The following CTNND2 variants were observed in gnomAD, a reference collection of about 807,000 sequenced individuals.
The protein encoded by CTNND2 is catenin delta-2.
A neutral mutation model predicts 144.4 loss-of-function variants in CTNND2; 22 were observed. The ratio of observed to expected loss-of-function variants is 0.15; its 90% CI spans 0.11 to 0.22. The LOEUF (loss-of-function observed/expected upper bound fraction) is 0.22. CTNND2 is among the 10% of genes least tolerant of loss of function. CTNND2 has a pLI of 1.00. For synonymous variants in CTNND2, 751 were observed against 695.6 expected (o/e 1.08, Z -1.25); for missense variants, 1,353 against 1,618.8 (o/e 0.84, Z 2.82).
At chr5:11,091,687 C>T (rs946793554) in intron 15 of CTNND2, among the ~76,000 whole-genome samples, 1 of 152,144 alleles carries the variant, frequency 6.6e-6, no homozygotes, top group Admixed American at 6.5e-5. Flanking sequence ...TAGTCCAGGG[C>T]TAATTATTCC....
At chr5:11,561,654 G>A (rs1776692399) in intron 3 of CTNND2, among the ~76,000 whole-genome samples, 1 of 152,208 alleles carries the variant, frequency 6.6e-6, no homozygotes, top group South Asian at 2.1e-4. Context: ...GCATCCTCCT[G>A]TACTATTGGA....
At chr5:11,158,432 A>G (rs1043769716) in intron 12 of CTNND2, among the ~76,000 whole-genome samples, 2 of 152,222 alleles carry the variant, frequency 1.3e-5, no homozygotes, top group Non-Finnish European at 1.5e-5. Flanking sequence ...GCACCTATCC[A>G]GAGAAATCAC....
intron 9 of CTNND2, among the ~76,000 whole-genome samples, chr5:11,323,216 A>C (rs1044704853): frequency 1.6e-5 from 2 of 123,226 alleles, no homozygotes; most frequent in African/African-American, 3.0e-5. Context: ...TTAAAAAACA[A>C]AAACATTTAG....
At chr5:11,312,832 T>C (rs1389685905) in intron 9 of CTNND2, among the ~76,000 whole-genome samples, 6 of 151,904 alleles carry the variant, frequency 3.9e-5, no homozygotes, top group Admixed American at 6.6e-5. Flanking sequence ...TTTTCACATA[T>C]CTGTATATTT....
chr5:11,112,808 A>G (rs4701906), intron 13 of CTNND2, among the ~76,000 whole-genome samples: 115,711 of 152,146 alleles, frequency 0.76, 44,656 homozygotes, highest in African/African-American at 0.91. Flanking sequence ...ATCTTTCTGT[A>G]CTTCTATTTC....
chr5:11,169,730 T>G (rs1465410934), intron 11 of CTNND2, among the ~76,000 whole-genome samples: 1 of 152,178 alleles, frequency 6.6e-6, no homozygotes, highest in Non-Finnish European at 1.5e-5. Context: ...GATGTCAACA[T>G]AAGCGCGCTA....
At chr5:11,322,058 C>T (rs769483515) in intron 9 of CTNND2, among the ~76,000 whole-genome samples, 7 of 152,198 alleles carry the variant, frequency 4.6e-5, no homozygotes, top group Admixed American at 2.6e-4. Context: ...TCCCTCCACA[C>T]GACTGCAACT....
chr5:11,232,696 T>C (rs1479669761), intron 10 of CTNND2, among the ~76,000 whole-genome samples: 2 of 152,222 alleles, frequency 1.3e-5, no homozygotes, highest in African/African-American at 4.8e-5. Context: ...ACTTGGACTT[T>C]TGGGTTAATG....
At chr5:11,847,609 G>A (rs145737901) in intron 1 of CTNND2, among the ~76,000 whole-genome samples, 2,241 of 152,058 alleles carry the variant, frequency 0.015, 56 homozygotes, top group African/African-American at 0.051. Flanking sequence ...TATATATTTC[G>A]AAATAGCTAG....
intron 3 of CTNND2, among the ~76,000 whole-genome samples, chr5:11,557,464 C>T (rs1455622257): frequency 6.6e-6 from 1 of 152,166 alleles, no homozygotes; most frequent in Non-Finnish European, 1.5e-5. Flanking sequence ...AGTTCAGGAT[C>T]CTCCTCAGCA....
At chr5:11,729,030 A>G (rs904513849) in intron 2 of CTNND2, among the ~76,000 whole-genome samples, 7 of 152,130 alleles carry the variant, frequency 4.6e-5, no homozygotes, top group African/African-American at 7.2e-5. Flanking sequence ...GACATCCCCA[A>G]AAAGCTCATG....
At chr5:11,247,940 T>A (rs888312472) in intron 9 of CTNND2, among the ~76,000 whole-genome samples, 7 of 152,132 alleles carry the variant, frequency 4.6e-5, no homozygotes, top group African/African-American at 1.4e-4. Context: ...AAAAATAACC[T>A]CAAACATGTA....
intron 8 of CTNND2, among the ~76,000 whole-genome samples, chr5:11,364,174 T>C (rs1382941985): frequency 1.3e-5 from 2 of 152,200 alleles, no homozygotes; most frequent in East Asian, 1.9e-4. Flanking sequence ...CCATTTGCAA[T>C]TGCCAACATC....
At chr5:11,285,285 T>C (rs943198090) in intron 9 of CTNND2, among the ~76,000 whole-genome samples, 13 of 152,192 alleles carry the variant, frequency 8.5e-5, no homozygotes, top group African/African-American at 2.9e-4. Flanking sequence ...GTCCCCACTT[T>C]TCCTTGTTGT....
At chr5:11,527,464 C>T (rs143180568) in intron 3 of CTNND2, among the ~76,000 whole-genome samples, 1,938 of 152,262 alleles carry the variant, frequency 0.013, 17 homozygotes, top group Non-Finnish European at 0.019. Context: ...AATCCCACCC[C>T]CTGTACCCTT....
At chr5:11,454,943 C>A (rs1298430846) in intron 3 of CTNND2, among the ~76,000 whole-genome samples, 1 of 148,252 alleles carries the variant, frequency 6.7e-6, no homozygotes, top group African/African-American at 2.5e-5. Context: ...TGGATTCTTT[C>A]TTAAAAATCA....
chr5:11,901,051 AAC>A (rs1434615106), intron 1 of CTNND2, among the ~76,000 whole-genome samples: 2 of 152,228 alleles, frequency 1.3e-5, no homozygotes, highest in Non-Finnish European at 2.9e-5. Flanking sequence ...TTCAAAATGT[AAC>A]AGTTTCTATT....
At chr5:11,362,174 T>G (rs903379455) in intron 8 of CTNND2, among the ~76,000 whole-genome samples, 40 of 151,210 alleles carry the variant, frequency 2.6e-4, no homozygotes, top group African/African-American at 9.0e-4. Flanking sequence ...ACAACACAGA[T>G]GACCCCCACA....
intron 3 of CTNND2, among the ~76,000 whole-genome samples, chr5:11,515,950 T>A (rs539939753): frequency 9.2e-5 from 14 of 152,114 alleles, no homozygotes; most frequent in African/African-American, 3.4e-4. Context: ...AAAGAAATTT[T>A]AAAAAATTAG....
Sources: gnomAD v4.1 joint callset for allele counts (sites outside exome capture counted in the v4.1 genomes callset) on GRCh38, gnomAD v4.1.1 for gene constraint, MANE v1.5 for transcripts, NCBI Gene and HGNC (gene_info 2026-07-23, HGNC 2026-07-21) for gene names.